KDM4C: variants seen among roughly 807,000 people sequenced by gnomAD.
The protein encoded by KDM4C is lysine demethylase 4C, also known as lysine-specific demethylase 4C.
Under a neutral mutation model 129.3 loss-of-function variants are expected in KDM4C, and 81 were observed. The ratio of observed to expected loss-of-function variants is 0.63; its 90% CI spans 0.52 to 0.75. The LOEUF (loss-of-function observed/expected upper bound fraction) is 0.75, where lower values mean the gene tolerates loss of function less well. Ranked by LOEUF, KDM4C falls within the 30% of genes least tolerant of loss-of-function variation. The probability of loss-of-function intolerance (pLI) is 0.00; values close to 1 mark genes in which losing one functional copy is unlikely to be tolerated. For missense variants in KDM4C, 1,457 were observed against 1,304.0 expected, an observed-to-expected ratio of 1.12 and a Z score of -1.81; for synonymous variants, 573 against 456.1, an observed-to-expected ratio of 1.26 and a Z score of -3.26.
chr9:6,911,896 C>A (rs1230708918), intron 8 of KDM4C, among the ~76,000 whole-genome samples: 2 of 152,070 alleles, frequency 1.3e-5, no homozygotes, highest in Non-Finnish European at 2.9e-5. Context: ...TCCTTTGGAT[C>A]CTGGTTCTGG....
intron 12 of KDM4C, among the ~76,000 whole-genome samples, chr9:6,991,025 C>G (rs186833295): frequency 8.2e-4 from 125 of 152,232 alleles, no homozygotes; most frequent in Middle Eastern, 3.4e-3. Flanking sequence ...GGATGTAACG[C>G]AGTTTCATTT....
intron 1 of KDM4C, among the ~76,000 whole-genome samples, chr9:6,768,853 A>G (rs1821172059): frequency 6.6e-6 from 1 of 151,472 alleles, no homozygotes; most frequent in African/African-American, 2.4e-5. Flanking sequence ...GCTCACTGCA[A>G]CCTCCACCTC....
At chr9:7,072,796 C>G (rs1185934524) in intron 17 of KDM4C, among the ~76,000 whole-genome samples, 1 of 152,130 alleles carries the variant, frequency 6.6e-6, no homozygotes, top group Admixed American at 6.5e-5. Context: ...ATATAAAACC[C>G]TATATGTTTT....
At chr9:6,734,395 A>G (rs1242879584) in intron 1 of KDM4C, among the ~76,000 whole-genome samples, 1 of 150,774 alleles carries the variant, frequency 6.6e-6, no homozygotes, top group African/African-American at 2.4e-5. Context: ...CCCGGGTTCA[A>G]GTGATTCTCC....
chr9:7,129,342 G>A (rs900283839), intron 19 of KDM4C, among the ~76,000 whole-genome samples: 6 of 152,132 alleles, frequency 3.9e-5, no homozygotes, highest in African/African-American at 1.4e-4. Context: ...AGAATGGCAA[G>A]TATATAAACA....
chr9:7,001,661 C>T (rs1177231760), intron 12 of KDM4C, among the ~76,000 whole-genome samples: 1 of 152,096 alleles, frequency 6.6e-6, no homozygotes, highest in East Asian at 1.9e-4. Context: ...CACGTGATAA[C>T]TCCTATTAGT....
intron 8 of KDM4C, among the ~76,000 whole-genome samples, chr9:6,914,096 A>C (rs967029092): frequency 1.1e-4 from 16 of 151,998 alleles, no homozygotes; most frequent in Admixed American, 4.6e-4. Context: ...TTTTGCGCTT[A>C]TTGTCCAGGC....
rs547905525 is a variant in KDM4C, at chr9:6,825,383, G to A, written c.435+10638G>A. ...CGGAAAACACCTTGACAACTGCTTC[G>A]GTAAGATACATAGCAAAAGATGACT... On this transcript the variant is annotated intron_variant, in intron 4 of 21. Coordinates refer to ENST00000381309, the MANE Select transcript of KDM4C (RefSeq NM_015061.6). Among the ~76,000 whole-genome samples the A allele has an allele frequency of 2.6e-5, 4 of 152,230 alleles. No homozygotes were observed. The South Asian group carries it at 6.2e-4, about 24-fold the overall frequency.
At chr9:6,851,012 C>T (rs1588689075) in intron 5 of KDM4C, among the ~76,000 whole-genome samples, 2 of 152,190 alleles carry the variant, frequency 1.3e-5, no homozygotes, top group African/African-American at 4.8e-5. Context: ...TCCTTGGCCT[C>T]CCAAAGTGCT....
chr9:6,734,288 G>GT (rs57329090), intron 1 of KDM4C, among the ~76,000 whole-genome samples: 16,547 of 110,132 alleles, frequency 0.15, 2,360 homozygotes, highest in African/African-American at 0.35. Context: ...CCCATGTTTG[G>GT]TTTTTTTTTT....
chr9:6,912,641 A>G (rs1007201454), intron 8 of KDM4C, among the ~76,000 whole-genome samples: 1 of 152,202 alleles, frequency 6.6e-6, no homozygotes, highest in Non-Finnish European at 1.5e-5. Flanking sequence ...GAGAATTTAT[A>G]TATTTGCAGC....
chr9:7,023,266 C>T (rs1294610222), intron 15 of KDM4C, among the ~76,000 whole-genome samples: 1 of 152,064 alleles, frequency 6.6e-6, no homozygotes, highest in Non-Finnish European at 1.5e-5. Context: ...CCATTGGGTC[C>T]TAGGCTTTTC....
chr9:6,806,947 G>A (rs1830101382), intron 3 of KDM4C, among the ~76,000 whole-genome samples: 1 of 148,034 alleles, frequency 6.8e-6, no homozygotes, highest in South Asian at 2.1e-4. Flanking sequence ...CTCTCATGCG[G>A]AGCGGAAGCT....
chr9:6,757,853 G>A (rs565843210), upstream of KDM4C: 115 of 985,620 alleles, frequency 1.2e-4, no homozygotes, highest in Admixed American at 6.1e-4. Context: ...TAACCACAGC[G>A]CGGAAGTTGA....
intron 2 of KDM4C, among the ~76,000 whole-genome samples, chr9:6,803,585 A>T (rs555284531): frequency 6.7e-6 from 1 of 149,574 alleles, no homozygotes. Context: ...AAAAAAAAAA[A>T]GTTTGTTTTA....
intron 20 of KDM4C, among the ~76,000 whole-genome samples, 155 bp downstream of exon 20, chr9:7,165,512 G>T (rs977019327): frequency 4.6e-5 from 7 of 152,324 alleles, no homozygotes; most frequent in African/African-American, 1.7e-4. Flanking sequence ...AATGACCCAG[G>T]TCGAAACCCT....
intron 4 of KDM4C, among the ~76,000 whole-genome samples, chr9:6,832,492 C>T (rs1454744163): frequency 5.2e-5 from 7 of 134,392 alleles, no homozygotes; most frequent in Admixed American, 7.7e-5. Flanking sequence ...GTGGTGCAAT[C>T]TCAGCTCACT....
rs766771525 is a variant in KDM4C at position 6,849,681 on chromosome 9, T to C, written c.610T>C (p.Phe204Leu). 5.7e-6 allele frequency: 9 copies of C among 1,588,748 alleles called. No homozygotes were observed. The highest frequency in any genetic ancestry group is 1.3e-5 in the African/African-American group (1 of 74,536). ...CCTCTATAGCATTAATTATCTCCAC[T>C]TTGGAGAGCCCAAGTCTTGGCAAGT... is the stretch of plus-strand genomic sequence containing the variant. The part of the protein sequence containing the change: ...MDLYSINYLH[F>L]GEPKSWYAIP... The change falls in exon 5 of 22, where the codon TTT becomes CTT. Residue 204 changes from phenylalanine to leucine, a missense_variant. Physicochemically the swap from Phe to Leu is conservative, Grantham distance 22 (BLOSUM62 0). Coordinates refer to ENST00000381309, the MANE Select transcript of KDM4C (RefSeq NM_015061.6).
intron 15 of KDM4C, among the ~76,000 whole-genome samples, chr9:7,022,766 A>C (rs990520186): frequency 3.3e-5 from 5 of 151,980 alleles, no homozygotes; most frequent in Non-Finnish European, 7.4e-5. Context: ...TCACCACTTA[A>C]AATAATACTA....
Sources: gnomAD v4.1 joint callset for allele counts (sites outside exome capture counted in the v4.1 genomes callset) on GRCh38, gnomAD v4.1.1 for gene constraint, MANE v1.5 for transcripts, NCBI Gene and HGNC (gene_info 2026-07-23, HGNC 2026-07-21) for gene names.